TRIM55: variants seen among roughly 807,000 people sequenced by gnomAD.
The protein encoded by TRIM55 is tripartite motif containing 55.
TRIM55 carries 50 observed loss-of-function variants against 60.9 expected under a neutral mutation model. That is an observed-to-expected ratio of 0.82 (90% confidence interval 0.65 to 1.04). The LOEUF (loss-of-function observed/expected upper bound fraction) is 1.04, where lower values mean the gene tolerates loss of function less well. Ranked by LOEUF, TRIM55 falls within the 50% of genes least tolerant of loss-of-function variation. TRIM55 has a pLI of 0.00. For missense variants in TRIM55, 681 were observed against 666.9 expected (o/e 1.02, Z -0.23); for synonymous variants, 237 against 238.1 (o/e 1.00, Z 0.04).
At chr8:66,133,136 C>T (rs1809265294) in intron 2 of TRIM55, among the ~76,000 whole-genome samples, 1 of 152,158 alleles carries the variant, frequency 6.6e-6, no homozygotes. Flanking sequence ...GTCCCAACCC[C>T]AGAGGGCACT....
upstream of TRIM55, chr8:66,127,069 T>G (rs953224359): frequency 7.7e-6 from 4 of 518,078 alleles, no homozygotes; most frequent in Middle Eastern, 5.1e-4. Flanking sequence ...TATGGACACG[T>G]CAGCCCACCG....
At chr8:66,119,115 T>A in the TRIM55 span, among the ~76,000 whole-genome samples, 1 of 152,336 alleles carries the variant, frequency 6.6e-6, no homozygotes, top group East Asian at 1.9e-4. Flanking sequence ...CCAACTAAAC[T>A]TCCTTCTTCA....
the TRIM55 span, among the ~76,000 whole-genome samples, chr8:66,115,641 C>A: frequency 6.6e-6 from 1 of 152,288 alleles, no homozygotes; most frequent in Non-Finnish European, 1.5e-5. Flanking sequence ...GAATGGAATT[C>A]ACATACAAAG....
intron 9 of TRIM55, among the ~76,000 whole-genome samples, chr8:66,171,637 CA>C (rs563659422): frequency 8.5e-5 from 13 of 152,336 alleles, no homozygotes; most frequent in Non-Finnish European, 1.8e-4. Context: ...CATAGAACAT[CA>C]CTATTCCCAA....
the TRIM55 span, among the ~76,000 whole-genome samples, chr8:66,120,556 A>G: frequency 2.6e-5 from 4 of 152,176 alleles, no homozygotes; most frequent in Non-Finnish European, 5.9e-5. Context: ...TAATGATTCC[A>G]TCAATCATGC....
At chr8:66,135,648 A>T (rs991117728) in intron 3 of TRIM55, among the ~76,000 whole-genome samples, 3 of 152,152 alleles carry the variant, frequency 2.0e-5, no homozygotes, top group Admixed American at 1.3e-4. Flanking sequence ...TACACTGATG[A>T]CATGCAGTTA....
At chr8:66,164,996 G>T (rs1434423472) in intron 9 of TRIM55, among the ~76,000 whole-genome samples, 1 of 152,050 alleles carries the variant, frequency 6.6e-6, no homozygotes, top group Non-Finnish European at 1.5e-5. Context: ...GGTTTAAATG[G>T]TTTAAAAGAC....
chr8:66,169,815 G>A (rs1053361369), intron 9 of TRIM55, among the ~76,000 whole-genome samples: 4 of 152,184 alleles, frequency 2.6e-5, no homozygotes, highest in Non-Finnish European at 5.9e-5. Context: ...AGCTCTCCAT[G>A]CAAGTTCTGG....
upstream of TRIM55, among the ~76,000 whole-genome samples, chr8:66,122,374 T>A (rs1808665343): frequency 6.6e-6 from 1 of 152,198 alleles, no homozygotes; most frequent in South Asian, 2.1e-4. Context: ...TTCCCGCCTT[T>A]GCTTCGAGCT....
In TRIM55 at chr8:66,154,260, G is replaced by C. The variant is rs755060427; in HGVS notation, c.1450G>C (p.Val484Leu). ...SEDSNVRKAE[V>L]AAAAASERAA... Reference sequence around the variant, plus strand: ...GGATTCGAATGTACGGAAGGCAGAAGTGGCAGCAGCCGCAGCGAGTGAGAG... The same window carrying C: ...GGATTCGAATGTACGGAAGGCAGAACTGGCAGCAGCCGCAGCGAGTGAGAG... The change falls in exon 9 of 10, where the codon GTG (valine) becomes CTG (leucine). Residue 484 changes from valine (V) to leucine (L), a missense_variant. Transcript: ENST00000315962. 3 of 1,613,464 alleles carry C rather than the reference G, an allele frequency of 1.9e-6. No homozygotes were observed. Among genetic ancestry groups the C allele is most frequent in the Non-Finnish European group, 1.7e-6 (2 of 1,179,906 alleles).
upstream of TRIM55, among the ~76,000 whole-genome samples, chr8:66,124,864 C>T (rs78889725): frequency 0.034 from 5,125 of 152,288 alleles, 126 homozygotes; most frequent in Middle Eastern, 0.075. Context: ...TCTTCACAGG[C>T]ATGGTACGAA....
At chr8:66,169,451 C>T (rs1461211978) in intron 9 of TRIM55, among the ~76,000 whole-genome samples, 2 of 152,192 alleles carry the variant, frequency 1.3e-5, no homozygotes, top group African/African-American at 4.8e-5. Context: ...TCACATTTAA[C>T]ATAAAAATCA....
chr8:66,152,188 C>T (rs1810467058), intron 7 of TRIM55, 189 bp from the exon 8 acceptor site: 1 of 706,574 alleles, frequency 1.4e-6, no homozygotes, highest in African/African-American at 1.8e-5. Context: ...GGTTCCTTCA[C>T]ATTTGTCCAG....
upstream of TRIM55, among the ~76,000 whole-genome samples, chr8:66,126,102 A>C (rs1291398675): frequency 2.0e-5 from 3 of 152,254 alleles, no homozygotes; most frequent in Admixed American, 2.0e-4. Flanking sequence ...TGGTTTAACA[A>C]GTCACCTTGG....
In TRIM55 at chr8:66,127,134, C is replaced by T; in HGVS notation, c.-135C>T. 1.0e-6 allele frequency: 1 copy of T among 999,760 alleles called. No individual in the cohort carries two copies. The highest frequency in any genetic ancestry group is 1.4e-6 in the Non-Finnish European group (1 of 701,036). 61.9% of individuals were successfully genotyped at this position (999,760 alleles called of 1,614,324 possible). On this transcript the variant is annotated 5_prime_UTR_variant, in exon 1 of 10. Coordinates refer to ENST00000315962, the MANE Select transcript of TRIM55 (RefSeq NM_184085.2). ...TCCAGCACCCACTCCAAACCAGGGC[C>T]TGAAACAATGTCCTCCACCGAGAGA...
chr8:66,114,176 C>G, the TRIM55 span, among the ~76,000 whole-genome samples: 5 of 148,408 alleles, frequency 3.4e-5, no homozygotes, highest in East Asian at 4.1e-4. Flanking sequence ...GATAATAAGC[C>G]GTGCCCAGCC....
chr8:66,140,610 G>A (rs991500032), intron 4 of TRIM55, among the ~76,000 whole-genome samples: 1 of 152,224 alleles, frequency 6.6e-6, no homozygotes, highest in Non-Finnish European at 1.5e-5. Flanking sequence ...ATCTCCCAGA[G>A]CCAGTTCCAT....
intron 7 of TRIM55, among the ~76,000 whole-genome samples, chr8:66,150,823 C>T (rs1290939932): frequency 6.6e-6 from 1 of 152,192 alleles, no homozygotes; most frequent in Non-Finnish European, 1.5e-5. Flanking sequence ...CCTGCCACCA[C>T]ACCCGGCTAA....
upstream of TRIM55, among the ~76,000 whole-genome samples, chr8:66,122,447 C>T (rs1808668490): frequency 6.6e-6 from 1 of 152,138 alleles, no homozygotes; most frequent in African/African-American, 2.4e-5. Flanking sequence ...TCTCATGTCT[C>T]CCTAGAATGT....
Sources: gnomAD v4.1 joint callset for allele counts (sites outside exome capture counted in the v4.1 genomes callset) on GRCh38, gnomAD v4.1.1 for gene constraint, MANE v1.5 for transcripts, NCBI Gene and HGNC (gene_info 2026-07-23, HGNC 2026-07-21) for gene names.